NLN: variants seen among roughly 807,000 people sequenced by gnomAD.
NLN encodes the protein neurolysin.
Under a neutral mutation model 79.9 loss-of-function variants are expected in NLN, and 64 were observed. The observed-to-expected ratio is 0.80, with a 90% CI of 0.65 to 0.99. The LOEUF is 0.99. Ranked by LOEUF, NLN falls within the 50% of genes least tolerant of loss-of-function variation. The pLI, the probability that NLN is intolerant of heterozygous loss-of-function variation, is 0.00. For missense variants in NLN, 835 were observed against 858.7 expected, an observed-to-expected ratio of 0.97 and a Z score of 0.34; for synonymous variants, 267 against 296.6, an observed-to-expected ratio of 0.90 and a Z score of 1.02.
At chr5:65,768,624 T>C (rs1759503975) in intron 3 of NLN, among the ~76,000 whole-genome samples, 1 of 152,232 alleles carries the variant, frequency 6.6e-6, no homozygotes, top group Non-Finnish European at 1.5e-5. Flanking sequence ...AATTAACTTT[T>C]TCACAGTTGT....
intron 1 of NLN, among the ~76,000 whole-genome samples, chr5:65,726,498 T>C (rs1312062200): frequency 6.6e-6 from 1 of 152,158 alleles, no homozygotes; most frequent in Non-Finnish European, 1.5e-5. Flanking sequence ...AAAGGATAAA[T>C]AATGTCTTAG....
chr5:65,734,367 A>G (rs1758681305), intron 1 of NLN, among the ~76,000 whole-genome samples: 1 of 137,970 alleles, frequency 7.2e-6, no homozygotes, highest in African/African-American at 2.8e-5. Flanking sequence ...TGGAAAAACA[A>G]AGGTGACTCA....
intron 1 of NLN, among the ~76,000 whole-genome samples, chr5:65,732,302 G>A (rs1478385362): frequency 2.2e-5 from 2 of 88,912 alleles, no homozygotes; most frequent in African/African-American, 9.0e-5. Context: ...ATGCTACAGA[G>A]AGAGACATGC....
chr5:65,753,671 A>G (rs1285041221), intron 1 of NLN, among the ~76,000 whole-genome samples: 1 of 151,944 alleles, frequency 6.6e-6, no homozygotes, highest in African/African-American at 2.4e-5. Context: ...AAAAACCTGA[A>G]TATTAATGAT....
chr5:65,811,504 G>C (rs1760544006), intron 11 of NLN, among the ~76,000 whole-genome samples: 1 of 151,876 alleles, frequency 6.6e-6, no homozygotes, highest in South Asian at 2.1e-4. Context: ...TAGCCCTACA[G>C]GTAGATTGAA....
At chr5:65,722,519 C>CGTCG in intron 1 of NLN, 105 bp downstream of exon 1, 1 of 1,078,154 alleles carries the variant, frequency 9.3e-7, no homozygotes, top group African/African-American at 1.6e-5. Flanking sequence ...GCCTCTCCGA[C>CGTCG]GCTCCCGGGA....
In NLN at chr5:65,781,336, C is replaced by G. The variant is rs1262844876; in HGVS notation, c.737C>G (p.Pro246Arg). Residue 246 changes from proline (P) to arginine (R), a missense_variant, in exon 6 of 13, where the codon CCA becomes CGA. Transcript: ENST00000380985. ...AAGTATAAAATTACCTTAAAATATC[C>G]ACACTATTTCCCTGTCATGAAGAAA... is the stretch of plus-strand genomic sequence containing the variant. ...DDKYKITLKYPHYFPVMKKCC... is the reference protein window; with the variant it reads ...DDKYKITLKYRHYFPVMKKCC... 1 of 1,598,088 alleles carries G rather than the reference C, an allele frequency of 6.3e-7. No individual in the cohort carries two copies. The highest frequency in any genetic ancestry group is 1.1e-5 in the South Asian group (1 of 90,742).
intron 12 of NLN, among the ~76,000 whole-genome samples, chr5:65,821,022 G>A (rs566846517): frequency 2.1e-5 from 3 of 143,904 alleles, no homozygotes; most frequent in Non-Finnish European, 4.5e-5. Flanking sequence ...CACCCTGGGC[G>A]ACAGAATGAG....
Position 65,825,185 on chromosome 5 carries a change from A to G in NLN, c.*2270A>G, listed in dbSNP as rs1561218696. The G allele has an allele frequency of 6.6e-6, 1 of 152,206 alleles. No homozygotes were observed. Among genetic ancestry groups the G allele is most frequent in the African/African-American group, 2.4e-5 (1 of 41,458 alleles). The allele number at this position is 152,206 out of a possible 1,614,324, so 9.4% of individuals were successfully genotyped here. On this transcript the variant is annotated 3_prime_UTR_variant, in exon 13 of 13. Transcript: ENST00000380985. ...AATTCTCTAGCATAATTCAAAAGAA[A>G]GGACTTAACTTTTTTTTTTTTAGTG... is the stretch of plus-strand genomic sequence containing the variant.
intron 3 of NLN, among the ~76,000 whole-genome samples, chr5:65,770,164 G>A (rs542873758): frequency 2.0e-4 from 30 of 152,294 alleles, no homozygotes; most frequent in African/African-American, 6.3e-4. Flanking sequence ...TTATTAAGAC[G>A]CAGAAACTGC....
intron 12 of NLN, among the ~76,000 whole-genome samples, chr5:65,818,405 C>T (rs961262037): frequency 9.9e-5 from 15 of 152,254 alleles, no homozygotes; most frequent in African/African-American, 3.4e-4. Flanking sequence ...ATACATACTC[C>T]TACCCAGTGT....
intron 1 of NLN, among the ~76,000 whole-genome samples, chr5:65,754,426 A>G (rs2150744028): frequency 6.6e-6 from 1 of 152,248 alleles, no homozygotes; most frequent in East Asian, 1.9e-4. Flanking sequence ...AACGTGAACT[A>G]TGTTGGGGGT....
chr5:65,826,970 G>A lies in NLN; in HGVS notation c.*4055G>A, dbSNP rs1173966671. ...CTCAGTTCTTCGAAAAACAGTCAAC[G>A]TCCAAAAAGTTTATTTTTTGAGTCA... On this transcript the variant is annotated 3_prime_UTR_variant, in exon 13 of 13. Transcript: ENST00000380985. The A allele has an allele frequency of 2.6e-5, 4 of 151,310 alleles. No individual in the cohort carries two copies. Among genetic ancestry groups the A allele is most frequent in the South Asian group, 2.1e-4 (1 of 4,782 alleles). The allele number at this position is 151,310 out of a possible 1,614,324, so 9.4% of individuals were successfully genotyped here.
At position 65,792,464 on chromosome 5, in the gene NLN, T is replaced by C; in HGVS notation, c.1336T>C (p.Tyr446His). 2 of 1,612,656 alleles carry C rather than the reference T, an allele frequency of 1.2e-6. No homozygotes were observed. The highest frequency in any genetic ancestry group is 1.7e-6 in the Non-Finnish European group (2 of 1,179,074). Reference protein sequence around the residue: ...YLDLYPREGKYNHAACFGLQP... With the variant: ...YLDLYPREGKHNHAACFGLQP... ...GTTTCTGGCTCCTAGGGAAGGAAAA[T>C]ACAATCATGCGGCCTGCTTCGGTCT... Residue 446 changes from tyrosine to histidine, a missense_variant, in exon 9 of 13, where the codon TAC becomes CAC. Tyr to His is a moderately conservative substitution (Grantham distance 83). Coordinates refer to ENST00000380985, the MANE Select transcript of NLN (RefSeq NM_020726.5).
At chr5:65,748,155 C>T (rs548706907) in intron 1 of NLN, among the ~76,000 whole-genome samples, 3 of 152,088 alleles carry the variant, frequency 2.0e-5, no homozygotes, top group Admixed American at 6.5e-5. Flanking sequence ...GAGCCAAGAT[C>T]GTGCCACTGC....
At chr5:65,807,888 A>G (rs1166993542) in intron 9 of NLN, among the ~76,000 whole-genome samples, 1 of 152,236 alleles carries the variant, frequency 6.6e-6, no homozygotes, top group African/African-American at 2.4e-5. Context: ...GTCTGGAACT[A>G]AACCCACAAT....
chr5:65,760,412 T>G (rs1297012082), intron 2 of NLN, among the ~76,000 whole-genome samples: 1 of 152,218 alleles, frequency 6.6e-6, no homozygotes, highest in Non-Finnish European at 1.5e-5. Context: ...GTAGAGCTTT[T>G]CTAGCTGGCA....
At chr5:65,787,477 C>T (rs566094898) in intron 7 of NLN, among the ~76,000 whole-genome samples, 1 of 152,038 alleles carries the variant, frequency 6.6e-6, no homozygotes, top group Non-Finnish European at 1.5e-5. Flanking sequence ...TTTATCGTAA[C>T]GTATGTAACA....
chr5:65,751,829 A>C (rs1388803909), intron 1 of NLN, among the ~76,000 whole-genome samples: 1 of 152,136 alleles, frequency 6.6e-6, no homozygotes. Context: ...TCCTTTGCCT[A>C]AACACTATTA....
Sources: allele counts gnomAD v4.1 joint callset (sites outside exome capture counted in the v4.1 genomes callset), GRCh38; gene constraint gnomAD v4.1.1; transcripts MANE v1.5; gene names NCBI Gene and HGNC (gene_info 2026-07-23, HGNC 2026-07-21).